Variants in SASH1 observed in about 807,000 individuals in gnomAD.
The protein encoded by SASH1 is SAM and SH3 domain-containing protein 1.
In SASH1, 44 loss-of-function variants were observed where a neutral mutation model predicts 125.2. The observed-to-expected ratio is 0.35, with a 90% CI of 0.28 to 0.45. The LOEUF (loss-of-function observed/expected upper bound fraction) is 0.45. Among genes scored for constraint, SASH1 ranks in the 20% least tolerant of loss-of-function variants. The probability of loss-of-function intolerance (pLI) is 1.00; values close to 1 mark genes in which losing one functional copy is unlikely to be tolerated. For synonymous variants in SASH1, 639 were observed against 649.1 expected (o/e 0.98, Z 0.24); for missense variants, 1,426 against 1,614.5 (o/e 0.88, Z 2.00).
chr6:148,397,783 C>T (rs566369886), intron 2 of SASH1, among the ~76,000 whole-genome samples: 74 of 152,322 alleles, frequency 4.9e-4, no homozygotes, highest in Non-Finnish European at 7.5e-4. Flanking sequence ...AAATATTCAA[C>T]TGAGCATTTA....
At chr6:148,382,347 T>C (rs1490177459) in intron 1 of SASH1, among the ~76,000 whole-genome samples, 1 of 152,180 alleles carries the variant, frequency 6.6e-6, no homozygotes, top group Non-Finnish European at 1.5e-5. Context: ...TGGAGTGCGA[T>C]GGTGCCATCT....
intron 1 of SASH1, among the ~76,000 whole-genome samples, chr6:148,353,399 A>G (rs1245683093): frequency 6.8e-5 from 10 of 147,184 alleles, no homozygotes; most frequent in Admixed American, 5.4e-4. Context: ...AAATGAAGGG[A>G]TGATGTTCTG....
In SASH1 at chr6:148,550,505, A is replaced by G. The variant is rs542250481; in HGVS notation, c.*1947A>G. 5 of 152,340 alleles carry G rather than the reference A, an allele frequency of 3.3e-5. No homozygotes were observed. In the East Asian group the frequency reaches 9.6e-4, roughly 29 times the overall value. The allele number at this position is 152,340 out of a possible 1,614,324, so 9.4% of individuals were successfully genotyped here. ...ATGCATTAGTATGCATTTTTAAAAAATAATGCATGTTTCTTTAATAATTAA... is the reference window on the plus strand; with the variant it reads ...ATGCATTAGTATGCATTTTTAAAAAGTAATGCATGTTTCTTTAATAATTAA... On this transcript the variant is annotated 3_prime_UTR_variant, in exon 20 of 20. Transcript: ENST00000367467.
intron 10 of SASH1, among the ~76,000 whole-genome samples, chr6:148,520,622 T>C (rs1197244117): frequency 2.0e-5 from 3 of 152,114 alleles, no homozygotes; most frequent in Non-Finnish European, 4.4e-5. Flanking sequence ...AAAATAAGCA[T>C]TGAAGCTAAT....
intron 1 of SASH1, among the ~76,000 whole-genome samples, chr6:148,281,992 C>G (rs1488162100): frequency 6.6e-6 from 1 of 152,028 alleles, no homozygotes; most frequent in Non-Finnish European, 1.5e-5. Context: ...AGAAATGTGA[C>G]TATAGTACAC....
intron 8 of SASH1, among the ~76,000 whole-genome samples, chr6:148,490,793 T>G (rs1779076268): frequency 6.6e-6 from 1 of 152,220 alleles, no homozygotes; most frequent in Non-Finnish European, 1.5e-5. Context: ...TTGGCACACT[T>G]AAAATTCTAT....
chr6:148,510,418 G>A (rs908835792), intron 8 of SASH1, among the ~76,000 whole-genome samples: 1 of 152,146 alleles, frequency 6.6e-6, no homozygotes, highest in Non-Finnish European at 1.5e-5. Flanking sequence ...TGGGACAAGG[G>A]AGGGGAGGCC....
At chr6:148,278,408 A>T (rs1436066114) in intron 1 of SASH1, among the ~76,000 whole-genome samples, 1 of 152,000 alleles carries the variant, frequency 6.6e-6, no homozygotes, top group Non-Finnish European at 1.5e-5. Flanking sequence ...CTGGCTGGGG[A>T]ACATCTTACC....
intron 1 of SASH1, among the ~76,000 whole-genome samples, chr6:148,365,895 C>T (rs1782429898): frequency 6.6e-6 from 1 of 152,006 alleles, no homozygotes; most frequent in African/African-American, 2.4e-5. Flanking sequence ...GGCAGATCAC[C>T]TGAGGTCAGG....
At chr6:148,498,911 G>A (rs1029209567) in intron 8 of SASH1, among the ~76,000 whole-genome samples, 2 of 152,114 alleles carry the variant, frequency 1.3e-5, no homozygotes, top group Non-Finnish European at 2.9e-5. Flanking sequence ...AGATACCCAG[G>A]CACTATTGTT....
chr6:148,195,832 C>G, the SASH1 span, among the ~76,000 whole-genome samples: 26 of 152,236 alleles, frequency 1.7e-4, no homozygotes, highest in Non-Finnish European at 3.4e-4. Flanking sequence ...GAACCAATGG[C>G]TACTCAACCT....
chr6:148,302,172 G>A (rs1466035397), intron 1 of SASH1, among the ~76,000 whole-genome samples: 2 of 150,870 alleles, frequency 1.3e-5, no homozygotes, highest in South Asian at 2.1e-4. Flanking sequence ...AAAATTAGCC[G>A]GGCGTGGTGG....
At position 148,544,311 on chromosome 6, in the gene SASH1, T is replaced by A; in HGVS notation, c.2841T>A (p.Pro947=). 1 of 1,613,912 alleles carries A rather than the reference T, an allele frequency of 6.2e-7. No individual in the cohort carries two copies. ...CTAAACACGGTTTAGCAAGGACGCCTCTGGAGGGCCACAGAAAAGGACACG... is the reference window on the plus strand; with the variant it reads ...CTAAACACGGTTTAGCAAGGACGCCACTGGAGGGCCACAGAAAAGGACACG... ...PGAKHGLART[P]LEGHRKGHEF... The change falls in exon 18 of 20, where the codon CCT becomes CCA. Residue 947 remains proline (P), a synonymous_variant. Coordinates refer to ENST00000367467, the MANE Select transcript of SASH1 (RefSeq NM_015278.5). The surrounding 1 kb of genome is among the most constrained non-coding windows in gnomAD (Gnocchi z 6.4).
At chr6:148,200,789 A>T in the SASH1 span, among the ~76,000 whole-genome samples, 1 of 152,252 alleles carries the variant, frequency 6.6e-6, no homozygotes, top group African/African-American at 2.4e-5. Flanking sequence ...ACAGACATAG[A>T]AGAGAGATTC....
Position 148,449,074 on chromosome 6 carries a change from A to ATTTCTTTTTCTTTTTTTTTTTCTTTTTTT in SASH1, c.386+8676_386+8677insCTTTTTTTTTTTCTTTTTTTTTTCTTTTT, listed in dbSNP as rs1419978576. ...ACCCGAGACTGGCTAATTTCATTTC[A>ATTTCTTTTTCTTTTTTTTTTTCTTTTTTT]TTTCTTTTTTTTTTTTTTTGGAGAC... On this transcript the variant is annotated intron_variant, in intron 4 of 19. Transcript: ENST00000367467. Among the ~76,000 whole-genome samples, 16 of 32,750 alleles carry ATTTCTTTTTCTTTTTTTTTTTCTTTTTTT rather than the reference A, an allele frequency of 4.9e-4. 1 individual carries two copies. In the East Asian group the frequency reaches 9.2e-3, roughly 19 times the overall value. 21.5% of individuals were successfully genotyped at this position (32,750 alleles called of 152,430 possible).
upstream of SASH1, among the ~76,000 whole-genome samples, chr6:148,272,120 T>C (rs929573812): frequency 1.2e-4 from 19 of 152,192 alleles, no homozygotes; most frequent in African/African-American, 3.9e-4. Flanking sequence ...TGTTATATGT[T>C]AAGCATTTGG....
intron 1 of SASH1, among the ~76,000 whole-genome samples, chr6:148,376,121 G>A (rs1473526488): frequency 2.6e-5 from 4 of 152,160 alleles, no homozygotes; most frequent in African/African-American, 9.7e-5. Context: ...CTGGAGTGCA[G>A]TGGTACAATC....
At chr6:148,250,088 C>T in the SASH1 span, among the ~76,000 whole-genome samples, 327 of 152,240 alleles carry the variant, frequency 2.1e-3, 1 homozygote, top group African/African-American at 7.2e-3. Context: ...AGATGAACTC[C>T]AGGGCCTGTG....
At chr6:148,274,420 A>G (rs912434181) in intron 1 of SASH1, among the ~76,000 whole-genome samples, 4 of 152,224 alleles carry the variant, frequency 2.6e-5, no homozygotes, top group African/African-American at 9.6e-5. Flanking sequence ...AGTTCTTTAA[A>G]GAGGGAAGGT....
Sources: gnomAD v4.1 joint callset for allele counts (sites outside exome capture counted in the v4.1 genomes callset) on GRCh38, gnomAD v4.1.1 for gene constraint, Gnocchi (gnomAD v3.1) non-coding constraint, MANE v1.5 for transcripts, NCBI Gene and HGNC (gene_info 2026-07-23, HGNC 2026-07-21) for gene names.